The following EDAR variants were observed in gnomAD, a reference collection of about 807,000 sequenced individuals.
The protein encoded by EDAR is tumor necrosis factor receptor superfamily member EDAR.
Under a neutral mutation model 51.3 loss-of-function variants are expected in EDAR, and 38 were observed. The observed-to-expected ratio is 0.74, with a 90% CI of 0.57 to 0.97. EDAR has a LOEUF of 0.97. Ranked by LOEUF, EDAR falls within the 50% of genes least tolerant of loss-of-function variation. EDAR has a pLI of 0.00. For missense variants in EDAR, 528 were observed against 595.0 expected (o/e 0.89, Z 1.17); for synonymous variants, 227 against 242.1 (o/e 0.94, Z 0.58).
chr2:108,911,208 C>T lies in EDAR; in HGVS notation c.530-136G>A. 5 of 1,110,234 alleles carry T rather than the reference C, an allele frequency of 4.5e-6. No individual in the cohort carries two copies. In the Admixed American group the frequency reaches 9.8e-5, roughly 22 times the overall value. 68.8% of individuals were successfully genotyped at this position (1,110,234 alleles called of 1,614,324 possible). ...GGAACCCTGAAATCTGAGGTGCTTGCTTAGACTGAGAACCAAATCCTCCGC... is the reference window on the plus strand; with the variant it reads ...GGAACCCTGAAATCTGAGGTGCTTGTTTAGACTGAGAACCAAATCCTCCGC... On this transcript the variant is annotated intron_variant, in intron 6 of 11. Transcript: ENST00000258443.
chr2:108,914,920 C>G (rs1696999369), intron 5 of EDAR, among the ~76,000 whole-genome samples: 1 of 152,118 alleles, frequency 6.6e-6, no homozygotes, highest in Admixed American at 6.5e-5. Flanking sequence ...GACTGTTTTT[C>G]TGTTTTGTTT....
chr2:108,916,816 C>A (rs1697037022), intron 5 of EDAR, among the ~76,000 whole-genome samples: 3 of 152,230 alleles, frequency 2.0e-5, no homozygotes, highest in Admixed American at 2.0e-4. Flanking sequence ...CCAGACCCCA[C>A]AAGCCCCCTC....
At chr2:108,926,305 C>G (rs72836562) in intron 4 of EDAR, among the ~76,000 whole-genome samples, 9,325 of 152,258 alleles carry the variant, frequency 0.061, 389 homozygotes, top group Non-Finnish European at 0.076. Context: ...CCCTAGCCCC[C>G]CAACCCCTGT....
chr2:108,976,614 T>C (rs1698326469), intron 1 of EDAR, among the ~76,000 whole-genome samples: 1 of 152,210 alleles, frequency 6.6e-6, no homozygotes, highest in Non-Finnish European at 1.5e-5. Flanking sequence ...CTGCCTCTTC[T>C]CTGTTATGTA....
chr2:108,923,030 C>T (rs888701590), intron 5 of EDAR, among the ~76,000 whole-genome samples: 1 of 152,190 alleles, frequency 6.6e-6, no homozygotes, highest in African/African-American at 2.4e-5. Flanking sequence ...TCTGTGATCT[C>T]CTTTGTTTTC....
chr2:108,946,112 G>T (rs1209803659), intron 1 of EDAR, among the ~76,000 whole-genome samples: 1 of 152,196 alleles, frequency 6.6e-6, no homozygotes, highest in Non-Finnish European at 1.5e-5. Flanking sequence ...GGACACACCA[G>T]CCCCTCCTCC....
chr2:108,896,819 C>A lies in EDAR; in HGVS notation c.*88G>T, dbSNP rs1471102339. ...GTGACATATCACAAAAGCCTTGATT[C>A]TTGGCAGTCTTTTGGCACCACTCAC... On this transcript the variant is annotated 3_prime_UTR_variant, in exon 12 of 12. Coordinates refer to ENST00000258443, the MANE Select transcript of EDAR (RefSeq NM_022336.4). 13 of 1,335,438 alleles carry A rather than the reference C, an allele frequency of 9.7e-6. No individual in the cohort carries two copies. The highest frequency in any genetic ancestry group is 1.4e-5 in the Non-Finnish European group (13 of 962,912). 82.7% of individuals were successfully genotyped at this position (1,335,438 alleles called of 1,614,324 possible).
chr2:108,981,157 G>T (rs1698412849), intron 1 of EDAR, among the ~76,000 whole-genome samples: 1 of 152,182 alleles, frequency 6.6e-6, no homozygotes, highest in Non-Finnish European at 1.5e-5. Flanking sequence ...CTTCCCTCGG[G>T]GAACTGAAGT....
chr2:108,925,296 G>A (rs531560290), intron 4 of EDAR, among the ~76,000 whole-genome samples: 2 of 152,376 alleles, frequency 1.3e-5, no homozygotes, highest in South Asian at 2.1e-4. Context: ...CTTTGATGCT[G>A]AGGTGGACAG....
chr2:108,929,083 G>C, intron 4 of EDAR, 115 bp downstream of exon 4: 1 of 1,228,960 alleles, frequency 8.1e-7, no homozygotes, highest in South Asian at 1.3e-5. Flanking sequence ...CCAGGTGTGC[G>C]GCTGCACCGA....
chr2:108,910,598 C>T, intron 8 of EDAR, 66 bp from the exon 9 acceptor site: 1 of 1,453,664 alleles, frequency 6.9e-7, no homozygotes. Context: ...GCGCTCAGCC[C>T]AACCCTGCTC....
intron 1 of EDAR, among the ~76,000 whole-genome samples, chr2:108,936,858 G>A (rs1019357906): frequency 6.6e-6 from 1 of 152,230 alleles, no homozygotes; most frequent in South Asian, 2.1e-4. Flanking sequence ...GGTAGCCTGG[G>A]AGTCCCTCCT....
Position 108,910,988 on chromosome 2 carries a change from A to G in EDAR, c.614T>C (p.Ile205Thr). The change falls in exon 7 of 12, where the codon ATC becomes ACC. Residue 205 changes from isoleucine to threonine, a missense_variant. By Grantham distance (89) the Ile-to-Thr change is moderately conservative. Coordinates refer to ENST00000258443, the MANE Select transcript of EDAR (RefSeq NM_022336.4). ...IFIMAIAIVL[I>T]IMFYILKTKP... ...TGTCTTCAGGATGTAGAACATGATG[A>G]TGAGGACGATGGCGATGGCCATGAT... The G allele has an allele frequency of 1.2e-6, 2 of 1,614,124 alleles. No homozygotes were observed. Among genetic ancestry groups the G allele is most frequent in the Non-Finnish European group, 1.7e-6 (2 of 1,180,012 alleles).
chr2:108,897,309 A>G, intron 11 of EDAR, 80 bp from the exon 12 acceptor site: 1 of 1,352,584 alleles, frequency 7.4e-7, no homozygotes, highest in East Asian at 2.5e-5. Context: ...ATTTAAATGA[A>G]ATAAAAATTA....
intron 1 of EDAR, among the ~76,000 whole-genome samples, chr2:108,933,316 G>T (rs1382825229): frequency 6.6e-6 from 1 of 152,134 alleles, no homozygotes; most frequent in Non-Finnish European, 1.5e-5. Context: ...TTTTATGCAG[G>T]TCTGTATTGT....
chr2:108,986,927 T>G (rs948629536), intron 1 of EDAR, among the ~76,000 whole-genome samples: 1 of 152,176 alleles, frequency 6.6e-6, no homozygotes, highest in African/African-American at 2.4e-5. Context: ...TAATGTAAGT[T>G]AATTAATGAT....
Position 108,896,976 on chromosome 2 carries a change from G to C in EDAR, c.1278C>G (p.Ser426=). 1 of 1,613,732 alleles carries C rather than the reference G, an allele frequency of 6.2e-7. No homozygotes were observed. The highest frequency in any genetic ancestry group is 1.6e-4 in the Middle Eastern group (1 of 6,062). Residue 426 remains serine, a synonymous_variant, in exon 12 of 12, where the codon TCC becomes TCG. Coordinates refer to ENST00000258443, the MANE Select transcript of EDAR (RefSeq NM_022336.4). ...CCCACTCCAGTATGTCTGCACACAA[G>C]GACTCCACAGCATCCAGCCGCTCAA... ...VQIERLDAVE[S]LCADILEWAG...
intron 5 of EDAR, among the ~76,000 whole-genome samples, chr2:108,919,622 T>C (rs1697096180): frequency 6.6e-6 from 1 of 152,130 alleles, no homozygotes; most frequent in Non-Finnish European, 1.5e-5. Flanking sequence ...CCTCCCAGAG[T>C]GCTGAGATTT....
chr2:108,976,566 T>C (rs1698325456), intron 1 of EDAR, among the ~76,000 whole-genome samples: 1 of 152,208 alleles, frequency 6.6e-6, no homozygotes, highest in Non-Finnish European at 1.5e-5. Flanking sequence ...GGGCACAGCA[T>C]CTACATGAAT....
Sources: gnomAD v4.1 joint callset for allele counts (sites outside exome capture counted in the v4.1 genomes callset) on GRCh38, gnomAD v4.1.1 for gene constraint, MANE v1.5 for transcripts, NCBI Gene and HGNC (gene_info 2026-07-23, HGNC 2026-07-21) for gene names.